Variants in AGO4 observed in about 807,000 individuals in gnomAD.
AGO4 encodes argonaute RISC component 4, also known as protein argonaute-4.
Under a neutral mutation model 104.7 loss-of-function variants are expected in AGO4, and 33 were observed. The observed-to-expected ratio is 0.32, with a 90% confidence interval of 0.24 to 0.42. AGO4 has a LOEUF of 0.42. Ranked by LOEUF, AGO4 falls within the 10% of genes least tolerant of loss-of-function variation. The pLI, the probability that AGO4 is intolerant of heterozygous loss-of-function variation, is 1.00. For synonymous variants in AGO4, 331 were observed against 364.7 expected, an observed-to-expected ratio of 0.91 and a Z score of 1.05; for missense variants, 711 against 1,083.4, an observed-to-expected ratio of 0.66 and a Z score of 4.83.
Position 35,841,168 on chromosome 1 carries a change from C to T in AGO4, c.1728C>T (p.Pro576=), listed in dbSNP as rs766223962. ...ACATCTCCTTAAATCTGAGCAGGCC[C>T]TCGGTGTTCCAGCAGCCTGTCATCT... ...INNVLVPHQR[P]SVFQQPVIFL... The change falls in exon 14 of 18, where the codon CCC becomes CCT. Residue 576 remains proline (P), a synonymous_variant. Transcript: ENST00000373210. The surrounding 1 kb of genome is among the most constrained non-coding windows in gnomAD (Gnocchi z 4.7). 3.1e-6 allele frequency: 5 copies of T among 1,608,974 alleles called. No individual in the cohort carries two copies. In the Admixed American group the frequency reaches 6.7e-5, roughly 21 times the overall value.
chr1:35,827,674 C>T (rs1174443485), intron 7 of AGO4, among the ~76,000 whole-genome samples: 5 of 151,700 alleles, frequency 3.3e-5, no homozygotes, highest in Non-Finnish European at 5.9e-5. Flanking sequence ...CAATTTACCT[C>T]TTAAGTAGAG....
intron 15 of AGO4, 73 bp from the exon 16 acceptor site, chr1:35,850,084 A>G (rs746972651): frequency 3.8e-5 from 38 of 991,730 alleles, no homozygotes; most frequent in Admixed American, 1.2e-4. Context: ...CCCAATTAAC[A>G]CACAAAAGAA....
intron 7 of AGO4, among the ~76,000 whole-genome samples, chr1:35,829,483 A>C (rs1367141593): frequency 6.6e-6 from 1 of 152,178 alleles, no homozygotes; most frequent in South Asian, 2.1e-4. Context: ...ATATATTTAA[A>C]TATCACATAG....
intron 13 of AGO4, among the ~76,000 whole-genome samples, chr1:35,839,622 T>C (rs920518972): frequency 6.6e-6 from 1 of 152,122 alleles, no homozygotes; most frequent in Non-Finnish European, 1.5e-5. Context: ...TGTAAGCTGT[T>C]ATGTTATATA....
intron 1 of AGO4, among the ~76,000 whole-genome samples, chr1:35,809,222 C>T (rs1571245820): frequency 6.6e-6 from 1 of 152,282 alleles, no homozygotes; most frequent in East Asian, 1.9e-4. Flanking sequence ...CTGGTTATTT[C>T]TCTCTATCCA....
Position 35,808,529 on chromosome 1 carries a change from G to A in AGO4, c.19+94G>A, listed in dbSNP as rs116628323. 66,690 of 1,093,934 alleles carry A rather than the reference G, an allele frequency of 0.061. 3,026 individuals carry two copies. The highest frequency in any genetic ancestry group is 0.23 in the African/African-American group (14,084 of 60,282). The allele number at this position is 1,093,934 out of a possible 1,614,324, so 67.8% of individuals were successfully genotyped here. On this transcript the variant is annotated intron_variant, in intron 1 of 17. Transcript: ENST00000373210. The surrounding 1 kb of genome is among the most constrained non-coding windows in gnomAD (Gnocchi z 5.2). ...GCTGCCCCGTCGCCTCGCCGGGTTC[G>A]GGCCGCCAGGCCTCGGGGAAGGGGA...
intron 1 of AGO4, among the ~76,000 whole-genome samples, chr1:35,813,423 G>T (rs1419101981): frequency 1.4e-5 from 2 of 146,436 alleles, no homozygotes; most frequent in African/African-American, 5.1e-5. Context: ...AAAAAAAAAA[G>T]AATACTTTTA....
At chr1:35,815,926 A>C in intron 1 of AGO4, among the ~76,000 whole-genome samples, 1 of 152,228 alleles carries the variant, frequency 6.6e-6, no homozygotes, top group Admixed American at 6.5e-5. Flanking sequence ...CTCTGTCTTC[A>C]TTCTGAGTCC....
chr1:35,850,289 T>C, intron 16 of AGO4, 31 bp downstream of exon 16: 1 of 1,546,052 alleles, frequency 6.5e-7, no homozygotes, highest in Non-Finnish European at 8.9e-7. Flanking sequence ...GATCTTTGAC[T>C]TGATAGGGAG....
At chr1:35,835,526 C>T (rs186535327) in intron 12 of AGO4, among the ~76,000 whole-genome samples, 1 of 152,084 alleles carries the variant, frequency 6.6e-6, no homozygotes, top group Non-Finnish European at 1.5e-5. Flanking sequence ...TTTGCTAAAT[C>T]AGTCATGTGG....
chr1:35,851,220 C>A, intron 17 of AGO4, 167 bp downstream of exon 17: 1 of 681,286 alleles, frequency 1.5e-6, no homozygotes, highest in Non-Finnish European at 2.4e-6. Flanking sequence ...ACTTTTGGTC[C>A]AAGAAGTGCT....
At chr1:35,853,263 A>G (rs1006961974) in intron 17 of AGO4, among the ~76,000 whole-genome samples, 1 of 151,904 alleles carries the variant, frequency 6.6e-6, no homozygotes, top group Non-Finnish European at 1.5e-5. Flanking sequence ...AAAAAAAAAA[A>G]AAAAAGAAAT....
intron 2 of AGO4, among the ~76,000 whole-genome samples, chr1:35,822,110 C>A (rs1040864730): frequency 3.9e-5 from 6 of 151,978 alleles, no homozygotes; most frequent in Admixed American, 2.6e-4. Flanking sequence ...GAACTCCTGA[C>A]CTCAAGTGAT....
At chr1:35,816,460 C>T (rs1643696423) in intron 1 of AGO4, among the ~76,000 whole-genome samples, 1 of 152,060 alleles carries the variant, frequency 6.6e-6, no homozygotes, top group African/African-American at 2.4e-5. Flanking sequence ...ATAATAAGAT[C>T]TCAATAACTG....
intron 13 of AGO4, among the ~76,000 whole-genome samples, chr1:35,838,603 T>G (rs186909801): frequency 6.6e-6 from 1 of 152,310 alleles, no homozygotes; most frequent in East Asian, 1.9e-4. Flanking sequence ...TGTTGTTGTT[T>G]AAATTTGAGT....
In AGO4 at chr1:35,850,278, A is replaced by G; in HGVS notation, c.2277+20A>G. 6.3e-7 allele frequency: 1 copy of G among 1,589,178 alleles called. No individual in the cohort carries two copies. The highest frequency in any genetic ancestry group is 1.7e-4 in the Middle Eastern group (1 of 6,026). ...ATTCAGGTAATTTGGAAGCTGGTTC[A>G]GATCTTTGACTTGATAGGGAGATGT... On this transcript the variant is annotated intron_variant, in intron 16 of 17. Transcript: ENST00000373210.
At chr1:35,830,305 T>C (rs1232593376) in intron 7 of AGO4, among the ~76,000 whole-genome samples, 3 of 152,174 alleles carry the variant, frequency 2.0e-5, no homozygotes, top group Non-Finnish European at 4.4e-5. Context: ...GATCCACATG[T>C]ATTTGTTCTA....
Position 35,857,755 on chromosome 1 carries a change from T to C in AGO4, c.*4150T>C, listed in dbSNP as rs1557591146. The C allele has an allele frequency of 6.6e-6, 1 of 152,242 alleles. No homozygotes were observed. The highest frequency in any genetic ancestry group is 1.5e-5 in the Non-Finnish European group (1 of 68,034). 9.4% of individuals were successfully genotyped at this position (152,242 alleles called of 1,614,324 possible). A position where few individuals can be genotyped will look rare whatever the true frequency, so the allele number is the denominator to read the frequency against. ...TGCTTTATAAAAACAGTTTCCTCAGTATGAGAAATTTTACAAAGAACAGTG... is the reference window on the plus strand; with the variant it reads ...TGCTTTATAAAAACAGTTTCCTCAGCATGAGAAATTTTACAAAGAACAGTG... On this transcript the variant is annotated 3_prime_UTR_variant, in exon 18 of 18. Transcript: ENST00000373210.
At chr1:35,830,374 T>C (rs779620915) in intron 7 of AGO4, among the ~76,000 whole-genome samples, 13 of 152,096 alleles carry the variant, frequency 8.5e-5, no homozygotes, top group Non-Finnish European at 1.3e-4. Flanking sequence ...TATGCTACAC[T>C]CATTTTACAT....
Sources: allele counts gnomAD v4.1 joint callset (sites outside exome capture counted in the v4.1 genomes callset), GRCh38; gene constraint gnomAD v4.1.1; non-coding constraint Gnocchi (gnomAD v3.1); transcripts MANE v1.5; gene names NCBI Gene and HGNC (gene_info 2026-07-23, HGNC 2026-07-21).